Variants in CCDC7 observed in about 807,000 individuals in gnomAD.
CCDC7 encodes the protein coiled-coil domain containing 7.
In CCDC7, 183 loss-of-function variants were observed where a neutral mutation model predicts 196.9. The ratio of observed to expected loss-of-function variants is 0.93; its 90% CI spans 0.82 to 1.05. The LOEUF (loss-of-function observed/expected upper bound fraction) is 1.05. Among genes scored for constraint, CCDC7 ranks in the 50% least tolerant of loss-of-function variants. CCDC7 has a pLI of 0.00. For synonymous variants in CCDC7, 525 were observed against 484.6 expected, an observed-to-expected ratio of 1.08 and a Z score of -1.10; for missense variants, 1,540 against 1,482.2, an observed-to-expected ratio of 1.04 and a Z score of -0.64.
intron 40 of CCDC7, among the ~76,000 whole-genome samples, chr10:32,852,344 C>T (rs778006065): frequency 7.9e-4 from 118 of 149,164 alleles, no homozygotes; most frequent in Non-Finnish European, 1.5e-3. Flanking sequence ...TTAGTTTTTC[C>T]CTTCCCTTCA....
chr10:32,730,262 CATATTCAGTCTG>C lies in CCDC7; in HGVS notation c.2905+811_2905+822del, dbSNP rs554392600. Among the ~76,000 whole-genome samples the C allele has an allele frequency of 3.5e-4, 53 of 152,188 alleles. No individual in the cohort carries two copies. The East Asian group carries it at 9.8e-3, about 28-fold the overall frequency. On this transcript the variant is annotated intron_variant, in intron 28 of 41. Coordinates refer to ENST00000639629, the Ensembl canonical transcript of CCDC7. ...GAACATGTGATGTTTGGTATATGCT[CATATTCAGTCTG>C]ATATTTTTTCTTTTAATTATCTCTT...
chr10:32,596,698 G>A (rs1201631487), intron 18 of CCDC7, among the ~76,000 whole-genome samples: 1 of 152,140 alleles, frequency 6.6e-6, no homozygotes, highest in Non-Finnish European at 1.5e-5. Flanking sequence ...GCTTCCTTCA[G>A]GAGCTCTTGT....
At chr10:32,874,381 C>A (rs893039991) in intron 41 of CCDC7, among the ~76,000 whole-genome samples, 3 of 151,464 alleles carry the variant, frequency 2.0e-5, no homozygotes, top group Non-Finnish European at 4.4e-5. Context: ...GCACCCATCA[C>A]CTGAGTTGTG....
exon 20 of CCDC7, chr10:32,635,121 T>C (rs1341501327): frequency 2.5e-6 from 1 of 398,682 alleles, no homozygotes; most frequent in Non-Finnish European, 4.4e-6. Flanking sequence ...AATCTGAAAC[T>C]AAAAATCTTA....
At chr10:32,568,562 A>G (rs1048423662) in intron 15 of CCDC7, among the ~76,000 whole-genome samples, 2 of 152,220 alleles carry the variant, frequency 1.3e-5, no homozygotes, top group Admixed American at 6.5e-5. Flanking sequence ...TAGATCATGT[A>G]TATAAACGAA....
chr10:32,812,111 G>A (rs1480189310), intron 30 of CCDC7, among the ~76,000 whole-genome samples: 2 of 152,028 alleles, frequency 1.3e-5, no homozygotes, highest in Non-Finnish European at 2.9e-5. Flanking sequence ...ACATCATACT[G>A]AATGATGATA....
At chr10:32,879,839 A>G (rs2137047459), downstream of CCDC7, among the ~76,000 whole-genome samples, 1 of 151,910 alleles carries the variant, frequency 6.6e-6, no homozygotes, top group Middle Eastern at 3.4e-3. Flanking sequence ...TTTGCTGAGT[A>G]TAATGACTTC....
In CCDC7 at chr10:32,793,215, A is replaced by G. The variant is rs935056800; in HGVS notation, c.3014-11800A>G. Reference sequence around the variant, plus strand: ...ACTTTTATGTCTGGTAGTAGATTACATATGTCCATTGGAAGATTACATAAT... The same window carrying G: ...ACTTTTATGTCTGGTAGTAGATTACGTATGTCCATTGGAAGATTACATAAT... On this transcript the variant is annotated intron_variant, in intron 29 of 41. Coordinates refer to ENST00000639629, the Ensembl canonical transcript of CCDC7. 3.3e-5 allele frequency among the ~76,000 whole-genome samples: 5 copies of G among 152,220 alleles called. No individual in the cohort carries two copies. The East Asian group carries it at 9.6e-4, about 29-fold the overall frequency.
rs868807460 is a variant in CCDC7, at chr10:32,585,412, C to T, written c.1801+1108C>T. Among the ~76,000 whole-genome samples the T allele has an allele frequency of 5.3e-4, 81 of 152,272 alleles. No individual in the cohort carries two copies. The Middle Eastern group carries it at 0.01, about 19-fold the overall frequency. On this transcript the variant is annotated intron_variant, in intron 18 of 41. Coordinates refer to ENST00000639629, the Ensembl canonical transcript of CCDC7. ...TTATTATATTTTAAGTTCTGGGATA[C>T]ATGTGCAGAACGTGCAGGTTTGTTA... is the stretch of plus-strand genomic sequence containing the variant.
intron 8 of CCDC7, among the ~76,000 whole-genome samples, 187 bp downstream of exon 9, chr10:32,474,210 CTTTTTTTTTTTTTTTTTTTT>C (rs71027095): frequency 1.7e-5 from 1 of 58,956 alleles, no homozygotes; most frequent in African/African-American, 6.2e-5. Flanking sequence ...AAACTAGATT[CTTTTTTTTTTTTTTTTTTTT>C]TTTTTTTTTT....
intron 18 of CCDC7, among the ~76,000 whole-genome samples, chr10:32,610,443 T>TA (rs1193884159): frequency 6.6e-6 from 1 of 152,132 alleles, no homozygotes; most frequent in Non-Finnish European, 1.5e-5. Context: ...TTATTGTACT[T>TA]AAAGTTCTGG....
intron 18 of CCDC7, among the ~76,000 whole-genome samples, chr10:32,615,035 A>G (rs1180356801): frequency 1.3e-5 from 2 of 152,134 alleles, no homozygotes; most frequent in African/African-American, 4.8e-5. Context: ...ACACCCACCC[A>G]CCACTACCTC....
intron 29 of CCDC7, among the ~76,000 whole-genome samples, chr10:32,797,600 C>A (rs1451233798): frequency 6.6e-6 from 1 of 152,038 alleles, no homozygotes; most frequent in African/African-American, 2.4e-5. Context: ...CAAAATCTCA[C>A]AAATCACCAC....
intron 20 of CCDC7, among the ~76,000 whole-genome samples, chr10:32,651,742 G>A (rs2140165748): frequency 6.6e-6 from 1 of 152,276 alleles, no homozygotes; most frequent in South Asian, 2.1e-4. Flanking sequence ...CTCTCTGGCG[G>A]GAAGGGAGGT....
intron 28 of CCDC7, among the ~76,000 whole-genome samples, chr10:32,743,994 G>C (rs2074256331): frequency 1.7e-5 from 2 of 119,608 alleles, no homozygotes; most frequent in African/African-American, 3.1e-5. Context: ...GTTGTGGGGT[G>C]GGGGGAGGGG....
intron 13 of CCDC7, among the ~76,000 whole-genome samples, chr10:32,546,203 A>G (rs764800937): frequency 1.3e-5 from 2 of 152,238 alleles, no homozygotes; most frequent in Admixed American, 1.3e-4. Context: ...TATAATTAAC[A>G]GAGTACCAGA....
chr10:32,731,937 C>T (rs770663574), intron 28 of CCDC7, among the ~76,000 whole-genome samples: 8 of 152,078 alleles, frequency 5.3e-5, no homozygotes, highest in South Asian at 2.1e-4. Context: ...CCTGTAGTCC[C>T]GGCTACTTGG....
At chr10:32,868,498 T>C (rs1369970692) in intron 41 of CCDC7, among the ~76,000 whole-genome samples, 1 of 152,022 alleles carries the variant, frequency 6.6e-6, no homozygotes, top group Non-Finnish European at 1.5e-5. Context: ...CCAAGCTCTT[T>C]ATGTGCCAGA....
At chr10:32,444,621 C>T (rs888648872), upstream of CCDC7, among the ~76,000 whole-genome samples, 2 of 152,158 alleles carry the variant, frequency 1.3e-5, no homozygotes, top group African/African-American at 4.8e-5. Context: ...TCTCTCCTGA[C>T]TTTTAGTTCT....
Sources: gnomAD v4.1 joint callset for allele counts (sites outside exome capture counted in the v4.1 genomes callset) on GRCh38, gnomAD v4.1.1 for gene constraint, MANE v1.5 for transcripts, NCBI Gene and HGNC (gene_info 2026-07-23, HGNC 2026-07-21) for gene names.